The following SCN11A variants were observed in gnomAD, a reference collection of about 807,000 sequenced individuals.
The protein encoded by SCN11A is sodium channel protein type 11 subunit alpha.
A neutral mutation model predicts 162.2 loss-of-function variants in SCN11A; 122 were observed. The observed-to-expected ratio is 0.75, with a 90% CI of 0.65 to 0.87. SCN11A has a LOEUF of 0.87. Among genes scored for constraint, SCN11A ranks in the 40% least tolerant of loss-of-function variants. SCN11A has a pLI of 0.00. For missense variants in SCN11A, 2,015 were observed against 2,181.6 expected, an observed-to-expected ratio of 0.92 and a Z score of 1.52; for synonymous variants, 758 against 751.5, an observed-to-expected ratio of 1.01 and a Z score of -0.14.
intron 23 of SCN11A, among the ~76,000 whole-genome samples, chr3:38,873,849 G>T (rs1431579191): frequency 6.6e-6 from 1 of 152,114 alleles, no homozygotes; most frequent in African/African-American, 2.4e-5. Context: ...CACTGTTTTT[G>T]AAATCATCAT....
chr3:38,999,905 T>G (rs1282694755), intron 2 of SCN11A, among the ~76,000 whole-genome samples: 1 of 152,200 alleles, frequency 6.6e-6, no homozygotes, highest in South Asian at 2.1e-4. Context: ...TTGCAGGTTC[T>G]TGGTGAAAGT....
chr3:38,930,902 C>T (rs2066229983), intron 7 of SCN11A, among the ~76,000 whole-genome samples: 1 of 152,148 alleles, frequency 6.6e-6, no homozygotes. Flanking sequence ...TTCCTCCCTG[C>T]CTTATGGGTA....
rs111984927 is a variant in SCN11A, at chr3:38,977,208, T to C, written c.-279-16785A>G. Among the ~76,000 whole-genome samples, 1,443 of 152,312 alleles carry C rather than the reference T, an allele frequency of 9.5e-3. 8 individuals carry two copies. Among genetic ancestry groups the C allele is most frequent in the Middle Eastern group, 0.024 (7 of 294 alleles). ...GAAAGAGTGGGTTTCCACTCCACTCTTGACTTCCTAGTCCAGCCCTCCTAA... is the reference window on the plus strand; with the variant it reads ...GAAAGAGTGGGTTTCCACTCCACTCCTGACTTCCTAGTCCAGCCCTCCTAA... On this transcript the variant is annotated intron_variant, in intron 2 of 29. Coordinates refer to ENST00000302328, the MANE Select transcript of SCN11A (RefSeq NM_001349253.2).
At chr3:38,914,036 A>G (rs941627932) in intron 11 of SCN11A, among the ~76,000 whole-genome samples, 4 of 152,266 alleles carry the variant, frequency 2.6e-5, no homozygotes, top group East Asian at 1.9e-4. Flanking sequence ...CAAGAATGTC[A>G]TTGGTAATTT....
At chr3:38,911,279 C>T (rs1027650696) in intron 11 of SCN11A, among the ~76,000 whole-genome samples, 6 of 152,054 alleles carry the variant, frequency 3.9e-5, no homozygotes, top group Non-Finnish European at 5.9e-5. Context: ...TTTTCACAAT[C>T]AATTGGTAGT....
At chr3:38,925,763 T>A (rs544289142) in intron 8 of SCN11A, among the ~76,000 whole-genome samples, 2 of 152,248 alleles carry the variant, frequency 1.3e-5, no homozygotes, top group East Asian at 3.8e-4. Flanking sequence ...AAATAGTTCA[T>A]GTAGTTGTGG....
At position 39,051,873 on chromosome 3, in the gene SCN11A, C is replaced by A; in HGVS notation, c.-416G>T. The A allele has an allele frequency of 2.3e-6, 2 of 869,174 alleles. No homozygotes were observed. Among genetic ancestry groups the A allele is most frequent in the Non-Finnish European group, 3.6e-6 (2 of 548,352 alleles). The allele number at this position is 869,174 out of a possible 1,614,324, so 53.8% of individuals were successfully genotyped here. A position where few individuals can be genotyped will look rare whatever the true frequency, so the allele number is the denominator to read the frequency against. On this transcript the variant is annotated 5_prime_UTR_variant, in exon 1 of 30. Coordinates refer to ENST00000302328, the MANE Select transcript of SCN11A (RefSeq NM_001349253.2). ...TAGGTGCATCTACCTCATCACATGGCTACCGGCCACACAGCAACTAACAGC... is the reference window on the plus strand; with the variant it reads ...TAGGTGCATCTACCTCATCACATGGATACCGGCCACACAGCAACTAACAGC...
chr3:38,994,880 CT>C (rs1478252530), intron 2 of SCN11A, among the ~76,000 whole-genome samples: 1 of 152,122 alleles, frequency 6.6e-6, no homozygotes, highest in Non-Finnish European at 1.5e-5. Flanking sequence ...AGCTGAGAGG[CT>C]GCCAGAAATG....
At position 38,925,429 on chromosome 3, in the gene SCN11A, ATTGCT is replaced by A; in HGVS notation, c.693_697del (p.Lys231AsnfsTer57). The stretch of plus-strand genomic sequence containing the variant: ...GAGTGACTTACGTGAAACTACTGAA[ATTGCT>A]TTCAAAGCTCTGAACACACGGAAGG... On this transcript the variant is annotated frameshift_variant, in exon 9 of 30. Transcript: ENST00000302328. LOFTEE classifies it high-confidence loss of function. The A allele has an allele frequency of 6.2e-7, 1 of 1,610,698 alleles. No individual in the cohort carries two copies.
At chr3:38,940,509 G>C (rs2125568431) in intron 7 of SCN11A, among the ~76,000 whole-genome samples, 1 of 152,294 alleles carries the variant, frequency 6.6e-6, no homozygotes, top group African/African-American at 2.4e-5. Context: ...AGAAAAGAAA[G>C]TCCAGAAATA....
Position 39,036,391 on chromosome 3 carries a change from C to T in SCN11A, c.-403-3888G>A, listed in dbSNP as rs550570207. Among the ~76,000 whole-genome samples, 54 of 152,210 alleles carry T rather than the reference C, an allele frequency of 3.5e-4. No individual in the cohort carries two copies. In the South Asian group the frequency reaches 0.011, roughly 31 times the overall value. The stretch of plus-strand genomic sequence containing the variant: ...AACTCCTGGCCTCAAGTGATCTACC[C>T]GCCTCGGCCTCCTAAAGTGCTGAGA... On this transcript the variant is annotated intron_variant, in intron 1 of 29. Coordinates refer to ENST00000302328, the MANE Select transcript of SCN11A (RefSeq NM_001349253.2).
At chr3:38,914,694 G>A (rs2065934524) in intron 11 of SCN11A, among the ~76,000 whole-genome samples, 1 of 152,096 alleles carries the variant, frequency 6.6e-6, no homozygotes, top group Non-Finnish European at 1.5e-5. Flanking sequence ...TTTTGAACAT[G>A]AATGGATGTT....
At chr3:38,868,989 C>T (rs1015510882) in intron 26 of SCN11A, among the ~76,000 whole-genome samples, 2 of 152,152 alleles carry the variant, frequency 1.3e-5, no homozygotes, top group African/African-American at 4.8e-5. Flanking sequence ...GAGGATATGG[C>T]AGAGTACCAG....
chr3:39,044,074 T>G (rs1373254666), intron 1 of SCN11A, among the ~76,000 whole-genome samples: 1 of 152,100 alleles, frequency 6.6e-6, no homozygotes, highest in Non-Finnish European at 1.5e-5. Context: ...TTTTTTACTT[T>G]AAGTCAAAGA....
chr3:38,958,624 C>T (rs905796840), intron 3 of SCN11A, among the ~76,000 whole-genome samples: 7 of 152,126 alleles, frequency 4.6e-5, no homozygotes, highest in Admixed American at 3.9e-4. Context: ...CTAATATGTA[C>T]AAGTTTTAAC....
chr3:39,018,354 T>C (rs570542938), intron 2 of SCN11A, among the ~76,000 whole-genome samples: 1 of 151,774 alleles, frequency 6.6e-6, no homozygotes, highest in South Asian at 2.1e-4. Flanking sequence ...GGTGTTTTTA[T>C]TCTCCTTCAG....
chr3:39,049,681 T>C (rs1380699364), intron 1 of SCN11A, among the ~76,000 whole-genome samples: 1 of 152,222 alleles, frequency 6.6e-6, no homozygotes, highest in Non-Finnish European at 1.5e-5. Flanking sequence ...TTCATGATTC[T>C]ACTGAGCAGG....
intron 2 of SCN11A, among the ~76,000 whole-genome samples, chr3:38,993,846 A>T (rs997067920): frequency 2.0e-5 from 3 of 152,092 alleles, no homozygotes; most frequent in Non-Finnish European, 4.4e-5. Context: ...GCATGCAGGG[A>T]ACTTGGAGTA....
chr3:38,968,279 A>G (rs2066795216), intron 2 of SCN11A, among the ~76,000 whole-genome samples: 1 of 152,176 alleles, frequency 6.6e-6, no homozygotes, highest in African/African-American at 2.4e-5. Flanking sequence ...ATTCCCAGAT[A>G]CAAAATTCCT....
Sources: allele counts gnomAD v4.1 joint callset (sites outside exome capture counted in the v4.1 genomes callset), GRCh38; gene constraint gnomAD v4.1.1; transcripts MANE v1.5; gene names NCBI Gene and HGNC (gene_info 2026-07-23, HGNC 2026-07-21).